SLC13A4: variants seen among roughly 807,000 people sequenced by gnomAD.
SLC13A4 encodes the protein solute carrier family 13 member 4, also known as Na(+)/sulfate cotransporter SUT-1.
SLC13A4 carries 28 observed loss-of-function variants against 72.7 expected under a neutral mutation model. The observed-to-expected ratio is 0.39, with a 90% CI of 0.29 to 0.53. The LOEUF (loss-of-function observed/expected upper bound fraction) is 0.53, where lower values mean the gene tolerates loss of function less well. SLC13A4 is among the 20% of genes least tolerant of loss of function. SLC13A4 has a pLI of 0.78. For synonymous variants in SLC13A4, 312 were observed against 325.5 expected (o/e 0.96, Z 0.45); for missense variants, 653 against 788.0 (o/e 0.83, Z 2.05).
At chr7:135,683,932 C>T (rs985898957) in intron 15 of SLC13A4, 192 bp downstream of exon 15, 15 of 563,722 alleles carry the variant, frequency 2.7e-5, no homozygotes, top group Admixed American at 1.3e-4. Flanking sequence ...GGGGAGAGCA[C>T]ATTCTTGCTA....
chr7:135,716,527 G>C lies in SLC13A4; in HGVS notation c.228+4868C>G, dbSNP rs111692723. Reference sequence around the variant, plus strand: ...TGGGTTTCACCATGCTGGCCAGGCTGGTCTCAAACCCCTGACCTCAGGTGA... The same window carrying C: ...TGGGTTTCACCATGCTGGCCAGGCTCGTCTCAAACCCCTGACCTCAGGTGA... On this transcript the variant is annotated intron_variant, in intron 2 of 15. Coordinates refer to ENST00000682651, the MANE Select transcript of SLC13A4 (RefSeq NM_001318192.2). 9.1e-3 allele frequency among the ~76,000 whole-genome samples: 1,392 copies of C among 152,294 alleles called. 27 individuals are homozygous for C. The highest frequency in any genetic ancestry group is 0.069 in the East Asian group (357 of 5,188).
chr7:135,702,785 G>A (rs1445313272), intron 6 of SLC13A4, 60 bp downstream of exon 6: 1 of 1,405,066 alleles, frequency 7.1e-7, no homozygotes, highest in Non-Finnish European at 1.0e-6. Context: ...GGGTTTCCAT[G>A]AAGAAGTGCT....
At position 135,683,789 on chromosome 7, in the gene SLC13A4, A is replaced by G. The variant is rs1331801134; in HGVS notation, c.1746+335T>C. 6 of 985,160 alleles carry G rather than the reference A, an allele frequency of 6.1e-6. No homozygotes were observed. In the East Asian group the frequency reaches 3.4e-4, roughly 56 times the overall value. 61.0% of individuals were successfully genotyped at this position (985,160 alleles called of 1,614,324 possible). ...AATAAACCAGTAGCTTTCTCAATGAATGTCTCCACTGGCCTAATGAAGAAA... is the reference window on the plus strand; with the variant it reads ...AATAAACCAGTAGCTTTCTCAATGAGTGTCTCCACTGGCCTAATGAAGAAA... On this transcript the variant is annotated intron_variant, in intron 15 of 15. Transcript: ENST00000682651.
intron 8 of SLC13A4, among the ~76,000 whole-genome samples, chr7:135,697,485 C>A (rs1018886111): frequency 6.6e-6 from 1 of 152,164 alleles, no homozygotes; most frequent in Non-Finnish European, 1.5e-5. Context: ...TCCTCCTCCC[C>A]ACTGCACTGT....
intron 5 of SLC13A4, 53 bp downstream of exon 5, chr7:135,705,543 C>T: frequency 1.3e-6 from 2 of 1,557,786 alleles, no homozygotes; most frequent in South Asian, 2.2e-5. Context: ...TCTTTTCTGA[C>T]CTCCCCTATG....
At chr7:135,703,146 T>A (rs1254857571) in intron 5 of SLC13A4, 1 of 518,954 alleles carries the variant, frequency 1.9e-6, no homozygotes, top group Middle Eastern at 5.2e-4. Flanking sequence ...ACAGCAGATG[T>A]GGAGTGGATA....
chr7:135,715,370 TGA>T (rs1447459075), intron 2 of SLC13A4, among the ~76,000 whole-genome samples: 12 of 91,132 alleles, frequency 1.3e-4, no homozygotes, highest in South Asian at 3.6e-4. Flanking sequence ...TGTATGTGTA[TGA>T]GTGTGTGAGT....
chr7:135,691,821 A>G (rs1795794797), intron 11 of SLC13A4, 176 bp from the exon 12 acceptor site: 1 of 561,438 alleles, frequency 1.8e-6, no homozygotes, highest in Non-Finnish European at 3.2e-6. Context: ...TTAATGGGCA[A>G]TGGCGAATGT....
chr7:135,702,770 A>T lies in SLC13A4; in HGVS notation c.633+75T>A, dbSNP rs894051275. 1.3e-5 allele frequency: 16 copies of T among 1,254,200 alleles called. No individual in the cohort carries two copies. The South Asian group carries it at 1.9e-4, about 15-fold the overall frequency. 77.7% of individuals were successfully genotyped at this position (1,254,200 alleles called of 1,614,324 possible). A position where few individuals can be genotyped will look rare whatever the true frequency, so the allele number is the denominator to read the frequency against. ...GTAGCTGTTGAAAATCTGGTTCTGA[A>T]TCTTGGGTTTCCATGAAGAAGTGCT... On this transcript the variant is annotated intron_variant, in intron 6 of 15. Coordinates refer to ENST00000682651, the MANE Select transcript of SLC13A4 (RefSeq NM_001318192.2).
intron 5 of SLC13A4, chr7:135,704,825 C>G (rs575714598): frequency 6.6e-6 from 1 of 152,328 alleles, no homozygotes; most frequent in South Asian, 2.1e-4. Flanking sequence ...AAGCGATTTC[C>G]TGATGGCACC....
At chr7:135,721,913 G>A (rs985348992) in intron 1 of SLC13A4, among the ~76,000 whole-genome samples, 8 of 152,194 alleles carry the variant, frequency 5.3e-5, no homozygotes, top group African/African-American at 1.4e-4. Flanking sequence ...AAGTTGACTG[G>A]ATATTAGAAG....
In SLC13A4 at chr7:135,696,160, G is replaced by C. The variant is rs148189811; in HGVS notation, c.900-673C>G. 1.1e-4 allele frequency among the ~76,000 whole-genome samples: 16 copies of C among 152,116 alleles called. No homozygotes were observed. In the East Asian group the frequency reaches 3.1e-3, roughly 29 times the overall value. ...GGCTCAGGCCTAAATGACCTATGCT[G>C]TGTTTTCCTTGGGTCTCTGTTTTTG... is the stretch of plus-strand genomic sequence containing the variant. On this transcript the variant is annotated intron_variant, in intron 8 of 15. Transcript: ENST00000682651.
At chr7:135,697,347 C>G (rs1299500496) in intron 8 of SLC13A4, among the ~76,000 whole-genome samples, 2 of 152,218 alleles carry the variant, frequency 1.3e-5, no homozygotes, top group African/African-American at 4.8e-5. Flanking sequence ...TTCCTCTTTC[C>G]CCTCTATTCC....
intron 2 of SLC13A4, among the ~76,000 whole-genome samples, chr7:135,711,005 T>A (rs1796287511): frequency 7.7e-6 from 1 of 129,376 alleles, no homozygotes; most frequent in Non-Finnish European, 1.7e-5. Flanking sequence ...GGGGGTGGGG[T>A]TGGGGGAGCG....
chr7:135,698,634 CT>C (rs35575379), intron 8 of SLC13A4, among the ~76,000 whole-genome samples: 45,085 of 107,004 alleles, frequency 0.42, 9,041 homozygotes, highest in African/African-American at 0.65. Context: ...CGTGCTGGGA[CT>C]TTTTTTTTTT....
intron 8 of SLC13A4, among the ~76,000 whole-genome samples, chr7:135,697,818 C>T (rs1795937680): frequency 6.6e-6 from 1 of 152,010 alleles, no homozygotes; most frequent in African/African-American, 2.4e-5. Flanking sequence ...CGGAGCCCTC[C>T]TACATACTGC....
chr7:135,685,134 A>G (rs1795592501), intron 14 of SLC13A4, among the ~76,000 whole-genome samples: 1 of 152,066 alleles, frequency 6.6e-6, no homozygotes, highest in Non-Finnish European at 1.5e-5. Flanking sequence ...TTTTACCTCC[A>G]TTTTCTGTGG....
At chr7:135,722,316 T>C (rs1796566232) in intron 1 of SLC13A4, among the ~76,000 whole-genome samples, 3 of 152,308 alleles carry the variant, frequency 2.0e-5, no homozygotes, top group Middle Eastern at 3.4e-3. Flanking sequence ...AGATCAGTCA[T>C]CCTGAGTTTG....
intron 2 of SLC13A4, among the ~76,000 whole-genome samples, chr7:135,711,036 G>A (rs946700678): frequency 5.3e-5 from 8 of 152,288 alleles, no homozygotes; most frequent in Non-Finnish European, 1.2e-4. Flanking sequence ...GGGAGCAGGA[G>A]GCACTGCAGG....
Sources: gnomAD v4.1 joint callset for allele counts (sites outside exome capture counted in the v4.1 genomes callset) on GRCh38, gnomAD v4.1.1 for gene constraint, MANE v1.5 for transcripts, NCBI Gene and HGNC (gene_info 2026-07-23, HGNC 2026-07-21) for gene names.